Variants in PCDH7 observed in about 807,000 individuals in gnomAD.
PCDH7 encodes protocadherin 7.
PCDH7 carries 17 observed loss-of-function variants against 58.9 expected under a neutral mutation model. The ratio of observed to expected loss-of-function variants is 0.29; its 90% CI spans 0.20 to 0.43. The LOEUF (loss-of-function observed/expected upper bound fraction) is 0.43. Ranked by LOEUF, PCDH7 falls within the 20% of genes least tolerant of loss-of-function variation. The pLI is 1.00. For synonymous variants in PCDH7, 664 were observed against 616.4 expected (o/e 1.08, Z -1.14); for missense variants, 1,274 against 1,441.0 (o/e 0.88, Z 1.88).
intron 3 of PCDH7, among the ~76,000 whole-genome samples, chr4:31,036,604 G>C (rs2109196182): frequency 6.6e-6 from 1 of 152,274 alleles, no homozygotes; most frequent in Non-Finnish European, 1.5e-5. Context: ...AATTGAATTA[G>C]AGAGTGAACT....
Position 30,723,344 on chromosome 4 carries a change from A to G in PCDH7, c.1922A>G (p.Gln641Arg). ...AATGACAATGACCCTAAGTTTATGC[A>G]GGACGTCTTCACCTTTTATGTGAAA... Residue 641 changes from glutamine to arginine, a missense_variant, in exon 1 of 2, where the codon CAG (glutamine) becomes CGG (arginine). Around this residue, in one of 3 missense-constraint regions of PCDH7, gnomAD observed 731 missense variants for 881.9 expected, o/e 0.83. Coordinates refer to ENST00000361762, the Ensembl canonical transcript of PCDH7. The surrounding 1 kb of genome is among the most constrained non-coding windows in gnomAD (Gnocchi z 4.6). 6.2e-7 allele frequency: 1 copy of G among 1,614,258 alleles called. No homozygotes were observed. The highest frequency in any genetic ancestry group is 8.5e-7 in the Non-Finnish European group (1 of 1,180,046).
At chr4:30,797,358 C>T (rs1288558151) in intron 1 of PCDH7, among the ~76,000 whole-genome samples, 4 of 151,744 alleles carry the variant, frequency 2.6e-5, no homozygotes, top group Admixed American at 6.6e-5. Flanking sequence ...CTGCAAGTTC[C>T]GCCTCCCGGG....
At chr4:30,781,515 G>A (rs1478962611) in intron 1 of PCDH7, among the ~76,000 whole-genome samples, 2 of 151,156 alleles carry the variant, frequency 1.3e-5, no homozygotes, top group South Asian at 2.1e-4. Context: ...TGAGGAATTC[G>A]TATAATATTT....
intron 3 of PCDH7, among the ~76,000 whole-genome samples, chr4:31,012,348 T>G (rs1753262630): frequency 7.2e-6 from 1 of 139,364 alleles, no homozygotes; most frequent in Admixed American, 7.1e-5. Flanking sequence ...TATTGCTGAA[T>G]TTATCCTCTG....
At chr4:30,838,834 A>G (rs182395839) in intron 1 of PCDH7, among the ~76,000 whole-genome samples, 2 of 152,226 alleles carry the variant, frequency 1.3e-5, no homozygotes, top group Admixed American at 6.5e-5. Flanking sequence ...ATACCCTCAG[A>G]TCAGGGGCCA....
At chr4:30,847,612 T>C (rs993250949) in intron 1 of PCDH7, among the ~76,000 whole-genome samples, 5 of 152,202 alleles carry the variant, frequency 3.3e-5, no homozygotes, top group Non-Finnish European at 7.3e-5. Flanking sequence ...ATAAGATAGA[T>C]AGTTTAGTGA....
intron 1 of PCDH7, chr4:30,725,096 A>T: frequency 8.0e-6 from 8 of 1,001,258 alleles, no homozygotes; most frequent in Non-Finnish European, 9.6e-6. Context: ...ATGCTGATTC[A>T]TGCAGATGTA....
intron 3 of PCDH7, among the ~76,000 whole-genome samples, chr4:31,033,267 A>C (rs1330392763): frequency 2.0e-5 from 3 of 152,214 alleles, no homozygotes; most frequent in Admixed American, 2.0e-4. Flanking sequence ...CTCCATCAAT[A>C]GGTCTATCAA....
chr4:30,986,709 G>T (rs1008351371), intron 3 of PCDH7, among the ~76,000 whole-genome samples: 35 of 151,836 alleles, frequency 2.3e-4, no homozygotes, highest in African/African-American at 8.2e-4. Context: ...TTGGCCGGTC[G>T]CGGTGGCTCA....
intron 3 of PCDH7, among the ~76,000 whole-genome samples, chr4:31,101,100 A>AT (rs778860622): frequency 7.7e-4 from 116 of 151,200 alleles, no homozygotes; most frequent in African/African-American, 1.5e-3. Context: ...ACCAGGTAGC[A>AT]TTTTTTTTTC....
chr4:31,134,254 G>T (rs6827295), intron 3 of PCDH7, among the ~76,000 whole-genome samples: 47,692 of 151,862 alleles, frequency 0.31, 7,925 homozygotes, highest in African/African-American at 0.42. Flanking sequence ...GAGGTCAGGA[G>T]ATCGAGACCA....
At chr4:31,139,118 G>C (rs1278515220) in intron 3 of PCDH7, among the ~76,000 whole-genome samples, 1 of 152,100 alleles carries the variant, frequency 6.6e-6, no homozygotes, top group Non-Finnish European at 1.5e-5. Flanking sequence ...ACCTCTACAA[G>C]TAATGCTAAG....
At position 31,024,677 on chromosome 4, in the gene PCDH7, A is replaced by C; in HGVS notation, c.*7+74462A>C. Among the ~76,000 whole-genome samples the C allele has an allele frequency of 1.3e-5, 2 of 152,186 alleles. 1 individual carries two copies. Among genetic ancestry groups the C allele is most frequent in the East Asian group, 3.9e-4 (2 of 5,190 alleles). ...ATACTATAGAGATATTATTCAGAGA[A>C]ACAATGTGTGATTTTACTTATAATT... On this transcript the variant is annotated intron_variant, in intron 3 of 3. Coordinates refer to the PCDH7 transcript ENST00000509759.
In PCDH7 at chr4:30,721,767, G is replaced by T. The variant is rs772936729; in HGVS notation, c.345G>T (p.Ser115=). 3.7e-6 allele frequency: 6 copies of T among 1,613,656 alleles called. No individual in the cohort carries two copies. Among genetic ancestry groups the T allele is most frequent in the Non-Finnish European group, 5.1e-6 (6 of 1,179,976 alleles). Residue 115 remains serine (S), a synonymous_variant, in exon 1 of 2, where the codon TCG becomes TCT. Transcript: ENST00000361762. This position sits in a 1 kb window ranked among gnomAD's most constrained non-coding sequence, Gnocchi z 6.7. ...AGTGCTTCCTGGACTTCGAGGTGTC[G>T]GTGATCGGGCCCTCGCAGAGCTGGG... is the stretch of plus-strand genomic sequence containing the variant.
intron 3 of PCDH7, among the ~76,000 whole-genome samples, chr4:31,130,547 A>G (rs773190173): frequency 6.6e-6 from 1 of 152,220 alleles, no homozygotes; most frequent in Non-Finnish European, 1.5e-5. Flanking sequence ...CATTGTAGCT[A>G]TAAACAATAA....
intron 3 of PCDH7, among the ~76,000 whole-genome samples, chr4:31,053,884 C>G (rs921572231): frequency 1.3e-5 from 2 of 152,020 alleles, no homozygotes; most frequent in African/African-American, 4.8e-5. Context: ...AACTAGGTTA[C>G]TAAACTAAAA....
chr4:30,979,040 AG>A (rs959720118), intron 3 of PCDH7, among the ~76,000 whole-genome samples: 8 of 152,168 alleles, frequency 5.3e-5, no homozygotes, highest in African/African-American at 1.9e-4. Flanking sequence ...AGAAAAGATT[AG>A]TGAGGCATCA....
At chr4:31,133,961 T>G (rs545701469) in intron 3 of PCDH7, among the ~76,000 whole-genome samples, 9 of 152,310 alleles carry the variant, frequency 5.9e-5, no homozygotes, top group African/African-American at 2.2e-4. Context: ...AATATTGTCT[T>G]GGCATGTCAG....
intron 1 of PCDH7, among the ~76,000 whole-genome samples, chr4:30,889,667 C>T (rs896331620): frequency 3.3e-5 from 5 of 152,030 alleles, no homozygotes; most frequent in Non-Finnish European, 7.4e-5. Context: ...CTGTTGAGGA[C>T]CTGTTCTTCA....
Sources: allele counts gnomAD v4.1 joint callset (sites outside exome capture counted in the v4.1 genomes callset), GRCh38; gene constraint gnomAD v4.1.1; regional missense constraint gnomAD v4.1.1; non-coding constraint Gnocchi (gnomAD v3.1); transcripts MANE v1.5; gene names NCBI Gene and HGNC (gene_info 2026-07-23, HGNC 2026-07-21).